The following NKAIN2 variants were observed in gnomAD, a reference collection of about 807,000 sequenced individuals.
The protein encoded by NKAIN2 is sodium/potassium-transporting ATPase subunit beta-1-interacting protein 2.
In NKAIN2, 14 loss-of-function variants were observed where a neutral mutation model predicts 32.6. That is an observed-to-expected ratio of 0.43 (90% CI 0.28 to 0.67). The LOEUF is 0.67. Ranked by LOEUF, NKAIN2 falls within the 30% of genes least tolerant of loss-of-function variation. NKAIN2 has a pLI of 0.17. For missense variants in NKAIN2, 198 were observed against 258.3 expected (o/e 0.77, Z 1.60); for synonymous variants, 80 against 87.2 (o/e 0.92, Z 0.46).
intron 1 of NKAIN2, among the ~76,000 whole-genome samples, chr6:124,185,517 TTCTC>T (rs1326430780): frequency 6.6e-6 from 1 of 152,170 alleles, no homozygotes; most frequent in Non-Finnish European, 1.5e-5. Context: ...TCTACTGTCT[TTCTC>T]TTTCTACACT....
intron 1 of NKAIN2, among the ~76,000 whole-genome samples, chr6:124,087,888 A>C (rs184712399): frequency 6.6e-6 from 1 of 152,142 alleles, no homozygotes; most frequent in African/African-American, 2.4e-5. Flanking sequence ...ATGCCAGTTA[A>C]CATTCCGAAA....
At chr6:124,520,767 C>A (rs533847618) in intron 3 of NKAIN2, among the ~76,000 whole-genome samples, 1 of 152,082 alleles carries the variant, frequency 6.6e-6, no homozygotes, top group East Asian at 1.9e-4. Context: ...TTCTGTGACT[C>A]GATTATCATA....
At chr6:124,785,484 G>A (rs773990732) in intron 4 of NKAIN2, among the ~76,000 whole-genome samples, 2 of 151,982 alleles carry the variant, frequency 1.3e-5, no homozygotes, top group African/African-American at 4.8e-5. Context: ...GGACATTTGG[G>A]GTATTATGCT....
intron 2 of NKAIN2, among the ~76,000 whole-genome samples, chr6:124,349,296 C>G (rs1041507441): frequency 1.3e-5 from 2 of 152,060 alleles, no homozygotes; most frequent in Non-Finnish European, 1.5e-5. Context: ...GCCTGCTCCC[C>G]CCTACAAAGG....
chr6:124,180,664 A>C (rs1013917115), intron 1 of NKAIN2, among the ~76,000 whole-genome samples: 1 of 152,158 alleles, frequency 6.6e-6, no homozygotes, highest in Admixed American at 6.5e-5. Context: ...CAAGAGTCCA[A>C]AGTCTCATCT....
At chr6:123,880,849 A>G (rs1347130852) in intron 1 of NKAIN2, among the ~76,000 whole-genome samples, 1 of 152,250 alleles carries the variant, frequency 6.6e-6, no homozygotes, top group African/African-American at 2.4e-5. Context: ...GTAAAAAGCT[A>G]TCTTTGATAG....
chr6:124,084,449 C>T (rs943521771), intron 1 of NKAIN2, among the ~76,000 whole-genome samples: 2 of 151,854 alleles, frequency 1.3e-5, no homozygotes, highest in Non-Finnish European at 2.9e-5. Flanking sequence ...CATCTAGGTT[C>T]ATGTAAGTAC....
intron 1 of NKAIN2, among the ~76,000 whole-genome samples, chr6:123,868,076 G>A (rs527429274): frequency 4.6e-5 from 7 of 151,992 alleles, no homozygotes; most frequent in Admixed American, 1.3e-4. Flanking sequence ...CACTGTGTTA[G>A]CCAGGATGGT....
chr6:124,255,533 C>T (rs749181916), intron 1 of NKAIN2, among the ~76,000 whole-genome samples: 5 of 152,104 alleles, frequency 3.3e-5, no homozygotes, highest in East Asian at 1.9e-4. Context: ...CCATCTATTT[C>T]GCGGAGGATG....
chr6:124,393,563 T>C (rs2114424402), intron 3 of NKAIN2, among the ~76,000 whole-genome samples: 1 of 152,272 alleles, frequency 6.6e-6, no homozygotes, highest in Non-Finnish European at 1.5e-5. Flanking sequence ...GCTGAAATAC[T>C]GAGTGACGGT....
At chr6:124,516,469 A>G (rs2114785701) in intron 3 of NKAIN2, among the ~76,000 whole-genome samples, 1 of 152,248 alleles carries the variant, frequency 6.6e-6, no homozygotes, top group African/African-American at 2.4e-5. Context: ...AGCCTGTTTC[A>G]TGTTAATAGG....
intron 1 of NKAIN2, among the ~76,000 whole-genome samples, chr6:123,956,010 TA>T (rs957224372): frequency 5.3e-5 from 8 of 152,130 alleles, no homozygotes; most frequent in Non-Finnish European, 1.2e-4. Flanking sequence ...TGCATTATTT[TA>T]AAAATGCATG....
At chr6:124,462,208 GA>G (rs1374313121) in intron 3 of NKAIN2, among the ~76,000 whole-genome samples, 1 of 151,818 alleles carries the variant, frequency 6.6e-6, no homozygotes, top group East Asian at 1.9e-4. Flanking sequence ...AAAGGGAAGA[GA>G]AGGAAAGAGA....
At chr6:123,828,511 G>A (rs1258088449) in intron 1 of NKAIN2, among the ~76,000 whole-genome samples, 3 of 152,094 alleles carry the variant, frequency 2.0e-5, no homozygotes, top group Non-Finnish European at 4.4e-5. Flanking sequence ...ACTCCTAAAA[G>A]CCTATTTAAT....
chr6:124,050,412 C>G (rs948554502), intron 1 of NKAIN2, among the ~76,000 whole-genome samples: 3 of 151,978 alleles, frequency 2.0e-5, no homozygotes, highest in African/African-American at 7.2e-5. Flanking sequence ...TGTGTCACAT[C>G]CTTCAGTTGT....
chr6:124,727,727 T>C lies in NKAIN2; in HGVS notation c.475-63612T>C, dbSNP rs1217838652. Among the ~76,000 whole-genome samples the C allele has an allele frequency of 2.7e-5, 4 of 148,706 alleles. No individual in the cohort carries two copies. The South Asian group carries it at 6.5e-4, about 24-fold the overall frequency. On this transcript the variant is annotated intron_variant, in intron 4 of 6. Coordinates refer to ENST00000368417, the MANE Select transcript of NKAIN2 (RefSeq NM_001040214.3). The stretch of plus-strand genomic sequence containing the variant: ...TAACAATATTAACTTTAAATGTAAA[T>C]GGGCTAAATGCTCCAATTAAAAGAC...
chr6:124,598,784 G>T (rs1001897516), intron 3 of NKAIN2, among the ~76,000 whole-genome samples: 2 of 151,982 alleles, frequency 1.3e-5, no homozygotes, highest in Non-Finnish European at 1.5e-5. Flanking sequence ...ACAAAGCCAT[G>T]GTTGGAACAT....
chr6:124,336,531 G>A (rs767515289), intron 2 of NKAIN2, among the ~76,000 whole-genome samples: 5 of 152,122 alleles, frequency 3.3e-5, no homozygotes, highest in Non-Finnish European at 7.4e-5. Context: ...AGCTCTGATA[G>A]CATTGAGCCA....
chr6:124,341,455 G>A (rs1798109849), intron 2 of NKAIN2, among the ~76,000 whole-genome samples: 1 of 151,944 alleles, frequency 6.6e-6, no homozygotes, highest in South Asian at 2.1e-4. Flanking sequence ...CATTAAATAT[G>A]GCATTTTCTC....
Sources: allele counts gnomAD v4.1 joint callset (sites outside exome capture counted in the v4.1 genomes callset), GRCh38; gene constraint gnomAD v4.1.1; transcripts MANE v1.5; gene names NCBI Gene and HGNC (gene_info 2026-07-23, HGNC 2026-07-21).